Variants in CACNA2D3 observed in about 807,000 individuals in gnomAD.
CACNA2D3 encodes the protein calcium voltage-gated channel auxiliary subunit alpha2delta 3.
A neutral mutation model predicts 160.6 loss-of-function variants in CACNA2D3; 60 were observed. The observed-to-expected ratio is 0.37, with a 90% CI of 0.30 to 0.46. The LOEUF (loss-of-function observed/expected upper bound fraction) is 0.46. CACNA2D3 is among the 20% of genes least tolerant of loss of function. The pLI is 1.00. For missense variants in CACNA2D3, 1,205 were observed against 1,365.0 expected (o/e 0.88, Z 1.85); for synonymous variants, 558 against 492.9 (o/e 1.13, Z -1.75).
chr3:54,398,200 C>T (rs958069539), intron 4 of CACNA2D3, among the ~76,000 whole-genome samples: 1 of 130,204 alleles, frequency 7.7e-6, no homozygotes, highest in Non-Finnish European at 1.6e-5. Flanking sequence ...TTATTTTGAG[C>T]CTATGTGTGT....
chr3:54,880,968 C>T, intron 21 of CACNA2D3, 105 bp downstream of exon 21: 2 of 921,084 alleles, frequency 2.2e-6, no homozygotes, highest in Non-Finnish European at 3.6e-6. Flanking sequence ...CACCTGTGAC[C>T]AGTCCCTTGG....
chr3:54,343,888 G>A (rs957737515), intron 3 of CACNA2D3, among the ~76,000 whole-genome samples: 1 of 152,108 alleles, frequency 6.6e-6, no homozygotes, highest in African/African-American at 2.4e-5. Context: ...TAAGTTTAGA[G>A]TATACATGGT....
chr3:54,971,323 G>A (rs1672286840), intron 29 of CACNA2D3, among the ~76,000 whole-genome samples: 1 of 152,210 alleles, frequency 6.6e-6, no homozygotes, highest in African/African-American at 2.4e-5. Flanking sequence ...TCTTATTGGA[G>A]TGCTCAGCTC....
intron 2 of CACNA2D3, among the ~76,000 whole-genome samples, chr3:54,198,475 T>C (rs1274203849): frequency 5.3e-5 from 8 of 152,258 alleles, no homozygotes; most frequent in Non-Finnish European, 8.8e-5. Context: ...AGAGTATTGA[T>C]GGGCCAGCCG....
At chr3:54,495,473 G>A (rs1701188997) in intron 4 of CACNA2D3, among the ~76,000 whole-genome samples, 1 of 152,154 alleles carries the variant, frequency 6.6e-6, no homozygotes, top group African/African-American at 2.4e-5. Context: ...ATTTGGCCAG[G>A]TGCAGTGGCT....
chr3:54,761,483 T>C (rs1379995224), intron 12 of CACNA2D3, among the ~76,000 whole-genome samples: 1 of 152,224 alleles, frequency 6.6e-6, no homozygotes, highest in East Asian at 1.9e-4. Flanking sequence ...AGATGATAAC[T>C]GTGTATGTGG....
At chr3:54,713,615 C>G (rs145344448) in intron 11 of CACNA2D3, among the ~76,000 whole-genome samples, 31 of 152,264 alleles carry the variant, frequency 2.0e-4, no homozygotes, top group African/African-American at 7.2e-4. Flanking sequence ...AAAATAGTTT[C>G]TACCGCAGGA....
intron 11 of CACNA2D3, among the ~76,000 whole-genome samples, chr3:54,645,217 T>C (rs188750103): frequency 3.9e-5 from 6 of 152,146 alleles, no homozygotes; most frequent in South Asian, 2.1e-4. Context: ...AAAGAGCCTC[T>C]TATGAAACCA....
chr3:54,512,457 G>C (rs7374204), intron 5 of CACNA2D3, among the ~76,000 whole-genome samples: 47,229 of 152,058 alleles, frequency 0.31, 7,707 homozygotes, highest in East Asian at 0.44. Flanking sequence ...AGTGACACCG[G>C]GTCCCCCACA....
chr3:54,449,974 T>C (rs948209575), intron 4 of CACNA2D3, among the ~76,000 whole-genome samples: 1 of 152,224 alleles, frequency 6.6e-6, no homozygotes, highest in Non-Finnish European at 1.5e-5. Context: ...TTTATATAAA[T>C]GTAATAATTG....
Position 54,506,502 on chromosome 3 carries a change from C to T in CACNA2D3, c.544+2848C>T, listed in dbSNP as rs140446792. Among the ~76,000 whole-genome samples, 684 of 152,276 alleles carry T rather than the reference C, an allele frequency of 4.5e-3. 8 individuals carry two copies. The highest frequency in any genetic ancestry group is 0.014 in the African/African-American group (594 of 41,548). Reference sequence around the variant, plus strand: ...CTGCTTTCTACAATCTGCTTTCTGCCTCCGTGGGCGGGCCTGGCAACTGGG... The same window carrying T: ...CTGCTTTCTACAATCTGCTTTCTGCTTCCGTGGGCGGGCCTGGCAACTGGG... On this transcript the variant is annotated intron_variant, in intron 5 of 37. Transcript: ENST00000474759.
intron 9 of CACNA2D3, among the ~76,000 whole-genome samples, chr3:54,582,949 A>T (rs1410813021): frequency 5.3e-5 from 8 of 152,242 alleles, no homozygotes; most frequent in African/African-American, 1.7e-4. Context: ...AAGAAGCAGC[A>T]TGATAAGCTT....
At chr3:54,586,986 A>G (rs530034654) in intron 9 of CACNA2D3, among the ~76,000 whole-genome samples, 1 of 152,248 alleles carries the variant, frequency 6.6e-6, no homozygotes, top group Admixed American at 6.5e-5. Context: ...AACAAAGATT[A>G]CATATCACAA....
intron 17 of CACNA2D3, among the ~76,000 whole-genome samples, chr3:54,867,700 G>A (rs985562787): frequency 8.5e-5 from 13 of 152,136 alleles, no homozygotes; most frequent in African/African-American, 3.1e-4. Context: ...TCATGCCCAG[G>A]AAGACTCTCT....
intron 4 of CACNA2D3, among the ~76,000 whole-genome samples, chr3:54,425,351 A>G (rs993058751): frequency 6.6e-6 from 1 of 152,156 alleles, no homozygotes; most frequent in Admixed American, 6.5e-5. Context: ...AAACAAACAA[A>G]CAAAGAAGTC....
At chr3:54,229,019 A>G (rs139322685) in intron 2 of CACNA2D3, among the ~76,000 whole-genome samples, 343 of 152,280 alleles carry the variant, frequency 2.3e-3, no homozygotes, top group Non-Finnish European at 3.6e-3. Flanking sequence ...GCTGTATGGA[A>G]GATTCAGGAA....
At chr3:54,208,904 G>A (rs1037721744) in intron 2 of CACNA2D3, among the ~76,000 whole-genome samples, 18 of 152,096 alleles carry the variant, frequency 1.2e-4, no homozygotes, top group African/African-American at 4.1e-4. Context: ...GGCTGGGGAG[G>A]CCTCACAAAC....
At chr3:54,296,367 C>T (rs1289620117) in intron 2 of CACNA2D3, among the ~76,000 whole-genome samples, 3 of 152,164 alleles carry the variant, frequency 2.0e-5, no homozygotes, top group African/African-American at 4.8e-5. Flanking sequence ...TACAGCTGGA[C>T]TTGTTGCTTT....
intron 4 of CACNA2D3, among the ~76,000 whole-genome samples, chr3:54,408,262 A>C (rs766491208): frequency 1.8e-4 from 28 of 152,154 alleles, no homozygotes; most frequent in Non-Finnish European, 4.0e-4. Context: ...TCAAGTCTGG[A>C]TTGAGTGGAG....
Sources: allele counts gnomAD v4.1 joint callset (sites outside exome capture counted in the v4.1 genomes callset), GRCh38; gene constraint gnomAD v4.1.1; transcripts MANE v1.5; gene names NCBI Gene and HGNC (gene_info 2026-07-23, HGNC 2026-07-21).